CA10: variants seen among roughly 807,000 people sequenced by gnomAD.
CA10 encodes carbonic anhydrase-related protein 10.
Under a neutral mutation model 44.2 loss-of-function variants are expected in CA10, and 14 were observed. That is an observed-to-expected ratio of 0.32 (90% CI 0.21 to 0.50). CA10 has a LOEUF of 0.50. Ranked by LOEUF, CA10 falls within the 20% of genes least tolerant of loss-of-function variation. The pLI, the probability that CA10 is intolerant of heterozygous loss-of-function variation, is 0.99. For missense variants in CA10, 350 were observed against 409.7 expected (o/e 0.85, Z 1.26); for synonymous variants, 159 against 141.6 (o/e 1.12, Z -0.87).
In CA10 at chr17:51,636,004, C is replaced by T; in HGVS notation, c.640G>A (p.Ala214Thr). Residue 214 changes from alanine (A) to threonine (T), a missense_variant, in exon 7 of 9, where the codon GCA becomes ACA. By Grantham distance (58) the Ala-to-Thr change is moderately conservative. Transcript: ENST00000451037. ...ATATTAAGCCCCTGTAGTAAATATG[C>T]ATCATCTAGAGAAGGAAAGAAGACT... ...TITRITYKND[A>T]YLLQGLNIEE... 6.4e-7 allele frequency: 1 copy of T among 1,566,910 alleles called. No homozygotes were observed. Among genetic ancestry groups the T allele is most frequent in the Non-Finnish European group, 8.7e-7 (1 of 1,154,736 alleles).
At chr17:52,090,388 A>G (rs1252006164) in intron 1 of CA10, among the ~76,000 whole-genome samples, 3 of 150,222 alleles carry the variant, frequency 2.0e-5, no homozygotes, top group Non-Finnish European at 4.5e-5. Flanking sequence ...AATAACTAAT[A>G]TGATGAGGTA....
At chr17:51,972,256 C>A (rs1453275457) in intron 2 of CA10, among the ~76,000 whole-genome samples, 4 of 151,912 alleles carry the variant, frequency 2.6e-5, no homozygotes, top group African/African-American at 9.7e-5. Flanking sequence ...TTTTGGAGAC[C>A]AGCTGAAAAA....
intron 5 of CA10, among the ~76,000 whole-genome samples, chr17:51,652,105 G>A (rs1391429818): frequency 6.6e-6 from 1 of 152,186 alleles, no homozygotes; most frequent in Non-Finnish European, 1.5e-5. Context: ...GAGAGGCATA[G>A]AATGAGTAAG....
At chr17:51,777,271 T>C (rs572622874) in intron 3 of CA10, among the ~76,000 whole-genome samples, 4 of 152,190 alleles carry the variant, frequency 2.6e-5, no homozygotes, top group African/African-American at 7.2e-5. Flanking sequence ...AGTGGTGATA[T>C]TGAGTTGGCT....
At chr17:51,730,729 G>C (rs1169928359) in intron 4 of CA10, among the ~76,000 whole-genome samples, 1 of 152,166 alleles carries the variant, frequency 6.6e-6, no homozygotes. Flanking sequence ...CTGCAATGTT[G>C]ATGAAGCTTA....
chr17:51,940,791 A>G (rs1249175011), intron 2 of CA10, among the ~76,000 whole-genome samples: 1 of 151,824 alleles, frequency 6.6e-6, no homozygotes, highest in Non-Finnish European at 1.5e-5. Context: ...TTCCTCCCTA[A>G]CCTGGTGCCC....
intron 3 of CA10, among the ~76,000 whole-genome samples, chr17:51,844,030 A>C (rs7207077): frequency 0.15 from 23,216 of 152,122 alleles, 3,950 homozygotes; most frequent in African/African-American, 0.42. Context: ...AATTGATTAT[A>C]AGGTAAATTT....
At chr17:52,132,546 G>A (rs977694625) in intron 1 of CA10, among the ~76,000 whole-genome samples, 8 of 152,328 alleles carry the variant, frequency 5.3e-5, no homozygotes, top group South Asian at 4.1e-4. Context: ...TAATTAGAAT[G>A]AAGACCAATA....
At chr17:52,137,403 T>C (rs1210880345) in intron 1 of CA10, among the ~76,000 whole-genome samples, 1 of 152,240 alleles carries the variant, frequency 6.6e-6, no homozygotes, top group Admixed American at 6.5e-5. Context: ...GATATTCAAG[T>C]GAAAATATTC....
intron 2 of CA10, among the ~76,000 whole-genome samples, chr17:52,071,941 A>G (rs1020906938): frequency 8.5e-5 from 13 of 152,182 alleles, no homozygotes; most frequent in African/African-American, 2.9e-4. Context: ...CTGGCCATGG[A>G]TGCTGCTAAA....
intron 2 of CA10, among the ~76,000 whole-genome samples, chr17:51,954,057 A>C (rs203013): frequency 6.6e-6 from 1 of 151,906 alleles, no homozygotes; most frequent in Admixed American, 6.6e-5. Flanking sequence ...CTGAGAGACA[A>C]ACATTATTCT....
intron 1 of CA10, among the ~76,000 whole-genome samples, chr17:52,116,836 T>G (rs1266096019): frequency 6.6e-6 from 1 of 152,214 alleles, no homozygotes; most frequent in Non-Finnish European, 1.5e-5. Context: ...TAAGAATCAC[T>G]GTTTATATTA....
chr17:52,066,967 T>C (rs1181967559), intron 2 of CA10, among the ~76,000 whole-genome samples: 1 of 152,228 alleles, frequency 6.6e-6, no homozygotes, highest in African/African-American at 2.4e-5. Flanking sequence ...TTGGAACTTA[T>C]GTTTAAAAGG....
chr17:51,810,323 T>G (rs930915111), intron 3 of CA10, among the ~76,000 whole-genome samples: 2 of 152,154 alleles, frequency 1.3e-5, no homozygotes, highest in Admixed American at 6.5e-5. Flanking sequence ...CACTAAATAT[T>G]TATTGAGTTA....
At chr17:51,813,007 A>C (rs1907430184) in intron 3 of CA10, among the ~76,000 whole-genome samples, 1 of 152,206 alleles carries the variant, frequency 6.6e-6, no homozygotes, top group Non-Finnish European at 1.5e-5. Flanking sequence ...TTATTTATTT[A>C]CTTTAAAAAG....
At chr17:51,868,818 T>C (rs977237123) in intron 3 of CA10, among the ~76,000 whole-genome samples, 1 of 152,022 alleles carries the variant, frequency 6.6e-6, no homozygotes, top group East Asian at 1.9e-4. Context: ...AGTGTTGATA[T>C]AGAACACTCA....
Position 52,144,065 on chromosome 17 carries a change from A to G in CA10, c.61+13661T>C, listed in dbSNP as rs377011873. 5.3e-5 allele frequency among the ~76,000 whole-genome samples: 8 copies of G among 152,312 alleles called. No homozygotes were observed. In the East Asian group the frequency reaches 7.7e-4, roughly 15 times the overall value. ...ATCATTTAAAGAAATCCTTCTCTCA[A>G]GTGAATATGAAACAAATCAAAGCTA... On this transcript the variant is annotated intron_variant, in intron 1 of 8. Coordinates refer to ENST00000451037, the MANE Select transcript of CA10 (RefSeq NM_020178.5).
Position 51,819,278 on chromosome 17 carries a change from C to T in CA10, c.280-71460G>A, listed in dbSNP as rs192248145. Among the ~76,000 whole-genome samples, 34 of 152,264 alleles carry T rather than the reference C, an allele frequency of 2.2e-4. No individual in the cohort carries two copies. In the East Asian group the frequency reaches 5.0e-3, roughly 23 times the overall value. On this transcript the variant is annotated intron_variant, in intron 3 of 8. Coordinates refer to ENST00000451037, the MANE Select transcript of CA10 (RefSeq NM_020178.5). ...TCCTGAGTTAGATCTCTTGTGGATGCCTTCTTTCTGGTCAAGCGTTGGTAT... is the reference window on the plus strand; with the variant it reads ...TCCTGAGTTAGATCTCTTGTGGATGTCTTCTTTCTGGTCAAGCGTTGGTAT...
chr17:51,699,128 C>A (rs139569692), intron 4 of CA10, among the ~76,000 whole-genome samples: 1,757 of 152,088 alleles, frequency 0.012, 37 homozygotes, highest in African/African-American at 0.04. Context: ...TGAGACCAGC[C>A]TGGGCAACAT....
Sources: allele counts gnomAD v4.1 joint callset (sites outside exome capture counted in the v4.1 genomes callset), GRCh38; gene constraint gnomAD v4.1.1; transcripts MANE v1.5; gene names NCBI Gene and HGNC (gene_info 2026-07-23, HGNC 2026-07-21).